The following RIN3 variants were observed in gnomAD, a reference collection of about 807,000 sequenced individuals.
RIN3 encodes the protein Ras and Rab interactor 3.
RIN3 carries 54 observed loss-of-function variants against 76.3 expected under a neutral mutation model. That is an observed-to-expected ratio of 0.71 (90% CI 0.57 to 0.89). RIN3 has a LOEUF of 0.89. RIN3 is among the 40% of genes least tolerant of loss of function. RIN3 has a pLI of 0.00. For synonymous variants in RIN3, 576 were observed against 564.0 expected (o/e 1.02, Z -0.30); for missense variants, 1,256 against 1,322.1 (o/e 0.95, Z 0.78).
intron 1 of RIN3, among the ~76,000 whole-genome samples, chr14:92,531,748 C>G (rs760477218): frequency 2.6e-5 from 4 of 152,192 alleles, no homozygotes; most frequent in Non-Finnish European, 5.9e-5. Context: ...CCTGCACCCT[C>G]ACGACACTGG....
chr14:92,526,014 T>G (rs973604022), intron 1 of RIN3, among the ~76,000 whole-genome samples: 2 of 152,020 alleles, frequency 1.3e-5, no homozygotes, highest in African/African-American at 2.4e-5. Context: ...AAACTCGTGG[T>G]GGGGGTGGAG....
At chr14:92,534,868 CT>C (rs941282817) in intron 1 of RIN3, among the ~76,000 whole-genome samples, 1 of 152,112 alleles carries the variant, frequency 6.6e-6, no homozygotes, top group Non-Finnish European at 1.5e-5. Flanking sequence ...TCACCTGTTA[CT>C]TTTTTTATTG....
At chr14:92,519,798 C>T (rs74075421) in intron 1 of RIN3, among the ~76,000 whole-genome samples, 86 of 152,320 alleles carry the variant, frequency 5.6e-4, no homozygotes, top group African/African-American at 2.1e-3. Context: ...CTCCTGCCAG[C>T]GTGGCCTTGA....
intron 1 of RIN3, among the ~76,000 whole-genome samples, chr14:92,547,085 ATAT>A (rs1897288959): frequency 1.5e-5 from 1 of 68,442 alleles, no homozygotes; most frequent in Non-Finnish European, 3.6e-5. Context: ...ATATTATATT[ATAT>A]TATATTATAA....
In RIN3 at chr14:92,513,877, T is replaced by G; in HGVS notation, c.-56T>G. 8.1e-7 allele frequency: 1 copy of G among 1,232,448 alleles called. No homozygotes were observed. The highest frequency in any genetic ancestry group is 1.0e-6 in the Non-Finnish European group (1 of 982,990). 76.3% of individuals were successfully genotyped at this position (1,232,448 alleles called of 1,614,324 possible). A position where few individuals can be genotyped will look rare whatever the true frequency, so the allele number is the denominator to read the frequency against. On this transcript the variant is annotated 5_prime_UTR_variant, in exon 1 of 10. Coordinates refer to ENST00000216487, the MANE Select transcript of RIN3 (RefSeq NM_024832.5). ...CATGCGGGCGCCCGGGACTCCGCGTTCCGCGCGGCCCGGCGCCTGAGCGCC... is the reference window on the plus strand; with the variant it reads ...CATGCGGGCGCCCGGGACTCCGCGTGCCGCGCGGCCCGGCGCCTGAGCGCC...
At chr14:92,636,324 G>A (rs953368572) in intron 4 of RIN3, among the ~76,000 whole-genome samples, 2 of 152,232 alleles carry the variant, frequency 1.3e-5, no homozygotes, top group Non-Finnish European at 2.9e-5. Context: ...AGCGGCTCAC[G>A]CCTGTAATCC....
chr14:92,625,524 G>A (rs908625073), intron 4 of RIN3, among the ~76,000 whole-genome samples: 1 of 152,154 alleles, frequency 6.6e-6, no homozygotes, highest in Admixed American at 6.5e-5. Flanking sequence ...AACTCAATGG[G>A]TGAGGTGGTC....
rs1166091625 is a variant in RIN3 at position 92,649,230 on chromosome 14, A to G, written c.533-2352A>G. 4.6e-5 allele frequency among the ~76,000 whole-genome samples: 7 copies of G among 152,162 alleles called. No homozygotes were observed. The East Asian group carries it at 9.6e-4, about 21-fold the overall frequency. On this transcript the variant is annotated intron_variant, in intron 5 of 9. Coordinates refer to ENST00000216487, the MANE Select transcript of RIN3 (RefSeq NM_024832.5). ...TGTCCCGGCACCAGTGGGCAGTTCT[A>G]TATGTTATCTACCCCCATGACACCA...
chr14:92,580,551 G>T (rs928592608), intron 3 of RIN3, among the ~76,000 whole-genome samples: 2 of 152,260 alleles, frequency 1.3e-5, no homozygotes, highest in African/African-American at 2.4e-5. Flanking sequence ...AGGAATGTGT[G>T]AACATGGATA....
At chr14:92,527,488 A>G (rs1336064343) in intron 1 of RIN3, among the ~76,000 whole-genome samples, 1 of 152,200 alleles carries the variant, frequency 6.6e-6, no homozygotes, top group Non-Finnish European at 1.5e-5. Context: ...CTATAGGACT[A>G]CATCTTTTGG....
intron 3 of RIN3, among the ~76,000 whole-genome samples, chr14:92,595,781 GTTC>G (rs1472899580): frequency 1.3e-5 from 2 of 152,152 alleles, no homozygotes; most frequent in South Asian, 2.1e-4. Context: ...AGAAGGCGCC[GTTC>G]TTCTTTTGCC....
intron 4 of RIN3, among the ~76,000 whole-genome samples, chr14:92,634,490 T>C (rs1001427705): frequency 1.3e-5 from 2 of 152,216 alleles, no homozygotes; most frequent in African/African-American, 4.8e-5. Context: ...TCTTAATATT[T>C]TTTTAATAGC....
At position 92,681,989 on chromosome 14, in the gene RIN3, C is replaced by T. The variant is rs1888681947; in HGVS notation, c.2468-2998C>T. Among the ~76,000 whole-genome samples, 1 of 152,118 alleles carries T rather than the reference C, an allele frequency of 6.6e-6. No homozygotes were observed. The highest frequency in any genetic ancestry group is 6.5e-5 in the Admixed American group (1 of 15,268). On this transcript the variant is annotated intron_variant, in intron 8 of 9. Transcript: ENST00000216487. This position sits in a 1 kb window ranked among gnomAD's most constrained non-coding sequence, Gnocchi z 4.7. Reference sequence around the variant, plus strand: ...GCAACCTCTGCCTCTCAGGTTCAAGCGATTCTCCTGTCTCAGCCTCCAGAG... The same window carrying T: ...GCAACCTCTGCCTCTCAGGTTCAAGTGATTCTCCTGTCTCAGCCTCCAGAG...
At chr14:92,620,495 A>G (rs1414631277) in intron 4 of RIN3, among the ~76,000 whole-genome samples, 3 of 152,344 alleles carry the variant, frequency 2.0e-5, no homozygotes, top group African/African-American at 7.2e-5. Flanking sequence ...GGCCCGACAA[A>G]GGTAGCTTTG....
At chr14:92,661,804 G>A (rs971582809) in intron 7 of RIN3, among the ~76,000 whole-genome samples, 4 of 151,518 alleles carry the variant, frequency 2.6e-5, no homozygotes, top group Non-Finnish European at 4.4e-5. Context: ...ACGCCAAGGC[G>A]AACTCCATAT....
intron 1 of RIN3, among the ~76,000 whole-genome samples, chr14:92,525,057 G>C (rs547201181): frequency 6.6e-6 from 1 of 152,232 alleles, no homozygotes; most frequent in African/African-American, 2.4e-5. Context: ...TACTGCTCAC[G>C]TGTTCCTGGC....
chr14:92,570,754 C>T (rs748630880), intron 2 of RIN3, among the ~76,000 whole-genome samples: 13 of 151,938 alleles, frequency 8.6e-5, no homozygotes, highest in Non-Finnish European at 5.9e-5. Context: ...GAGACACCGA[C>T]TCCAAATGAA....
rs774763337 is a variant in RIN3, at chr14:92,555,796, T to C, written c.90T>C (p.Asp30=). 1 of 1,614,126 alleles carries C rather than the reference T, an allele frequency of 6.2e-7. No homozygotes were observed. The highest frequency in any genetic ancestry group is 1.1e-5 in the South Asian group (1 of 91,078). ...VGKGEEEEEE[D]GMRLCLPANP... ...AAGGAGAGGAAGAGGAAGAGGAAGA[T>C]GGCATGCGGCTTTGTCTGCCAGCCA... The change falls in exon 2 of 10, where the codon GAT becomes GAC. Residue 30 remains aspartate (D), a synonymous_variant. Coordinates refer to ENST00000216487, the MANE Select transcript of RIN3 (RefSeq NM_024832.5).
At chr14:92,522,298 G>T (rs1896621975) in intron 1 of RIN3, among the ~76,000 whole-genome samples, 1 of 151,658 alleles carries the variant, frequency 6.6e-6, no homozygotes, top group Admixed American at 6.6e-5. Flanking sequence ...ACCGGTGGGG[G>T]GCTCTCACCT....
Sources: gnomAD v4.1 joint callset for allele counts (sites outside exome capture counted in the v4.1 genomes callset) on GRCh38, gnomAD v4.1.1 for gene constraint, Gnocchi (gnomAD v3.1) non-coding constraint, MANE v1.5 for transcripts, NCBI Gene and HGNC (gene_info 2026-07-23, HGNC 2026-07-21) for gene names.